Variants in GABRP observed in about 807,000 individuals in gnomAD.
GABRP encodes the protein gamma-aminobutyric acid type A receptor subunit pi.
GABRP carries 52 observed loss-of-function variants against 47.8 expected under a neutral mutation model. The observed-to-expected ratio is 1.09, with a 90% CI of 0.87 to 1.37. The LOEUF (loss-of-function observed/expected upper bound fraction) is 1.37. Ranked by LOEUF, GABRP falls within the 40% of genes most tolerant of loss-of-function variation. GABRP has a pLI of 0.00. For synonymous variants in GABRP, 221 were observed against 205.8 expected (o/e 1.07, Z -0.63); for missense variants, 525 against 542.8 (o/e 0.97, Z 0.33).
At chr5:170,800,978 C>A (rs1765575327) in intron 6 of GABRP, among the ~76,000 whole-genome samples, 1 of 152,178 alleles carries the variant, frequency 6.6e-6, no homozygotes, top group African/African-American at 2.4e-5. Context: ...AATAAATATT[C>A]TTTTCCCAAT....
At position 170,805,726 on chromosome 5, in the gene GABRP, T is replaced by C. The variant is rs1343028612; in HGVS notation, c.552T>C (p.Asp184=). 1.9e-6 allele frequency: 3 copies of C among 1,614,042 alleles called. No individual in the cohort carries two copies. The highest frequency in any genetic ancestry group is 2.5e-6 in the Non-Finnish European group (3 of 1,180,032). ...CKLQLESWGY[D]GNDVEFTWLR... is the part of the protein sequence containing the mutation. ...CATTTTATTTGCCAGGGGGCTATGATGGAAATGATGTGGAGTTCACCTGGC... is the reference window on the plus strand; with the variant it reads ...CATTTTATTTGCCAGGGGGCTATGACGGAAATGATGTGGAGTTCACCTGGC... Residue 184 remains aspartate, a synonymous_variant, in exon 7 of 10, where the codon GAT becomes GAC. Coordinates refer to ENST00000265294, the MANE Select transcript of GABRP (RefSeq NM_014211.3).
intron 7 of GABRP, among the ~76,000 whole-genome samples, chr5:170,807,731 T>C (rs931376210): frequency 3.9e-5 from 6 of 152,182 alleles, no homozygotes; most frequent in African/African-American, 1.4e-4. Context: ...AAGTACATAT[T>C]TTTATTCTAT....
At chr5:170,794,373 CTCAAA>C in intron 4 of GABRP, 75 bp downstream of exon 4, 1 of 473,912 alleles carries the variant, frequency 2.1e-6, no homozygotes, top group Non-Finnish European at 3.2e-6. Context: ...TTTCTAGCCG[CTCAAA>C]AAAAAAAAAA....
At chr5:170,792,159 T>C (rs981232151) in intron 3 of GABRP, among the ~76,000 whole-genome samples, 3 of 152,210 alleles carry the variant, frequency 2.0e-5, no homozygotes, top group Admixed American at 6.5e-5. Flanking sequence ...AACTGTAGCA[T>C]AGGCCAAGCG....
intron 6 of GABRP, among the ~76,000 whole-genome samples, chr5:170,805,466 C>A (rs1426605722): frequency 6.6e-6 from 1 of 151,440 alleles, no homozygotes; most frequent in Non-Finnish European, 1.5e-5. Flanking sequence ...TATCATCCAC[C>A]AGATCTACGC....
rs114088768 is a variant in GABRP at position 170,798,002 on chromosome 5, G to T, written c.541+454G>T. On this transcript the variant is annotated intron_variant, in intron 6 of 9. Transcript: ENST00000265294. Reference sequence around the variant, plus strand: ...TGATAGAGACCAGATGACTCATAAAGCCTTAAGTATTAACATTCTTCTTTG... The same window carrying T: ...TGATAGAGACCAGATGACTCATAAATCCTTAAGTATTAACATTCTTCTTTG... 6.2e-3 allele frequency among the ~76,000 whole-genome samples: 952 copies of T among 152,338 alleles called. 9 individuals are homozygous for T. Among genetic ancestry groups the T allele is most frequent in the African/African-American group, 0.021 (887 of 41,578 alleles).
In GABRP at chr5:170,805,454, C is replaced by T. The variant is rs1291967929; in HGVS notation, c.542-262C>T. 1.3e-5 allele frequency among the ~76,000 whole-genome samples: 2 copies of T among 151,798 alleles called. 1 individual carries two copies. The highest frequency in any genetic ancestry group is 3.9e-4 in the East Asian group (2 of 5,130). On this transcript the variant is annotated intron_variant, in intron 6 of 9. Coordinates refer to ENST00000265294, the MANE Select transcript of GABRP (RefSeq NM_014211.3). Reference sequence around the variant, plus strand: ...TAATGAGGGAGGCCACTTCTAATGACTTATCATCCACCAGATCTACGCAGT... The same window carrying T: ...TAATGAGGGAGGCCACTTCTAATGATTTATCATCCACCAGATCTACGCAGT...
intron 1 of GABRP, among the ~76,000 whole-genome samples, chr5:170,786,822 C>G (rs753678225): frequency 6.6e-6 from 1 of 152,094 alleles, no homozygotes; most frequent in Admixed American, 6.5e-5. Context: ...AAAAAGTAAG[C>G]CGCAAAAAGC....
intron 6 of GABRP, among the ~76,000 whole-genome samples, chr5:170,797,948 T>G (rs1297693485): frequency 6.6e-6 from 1 of 152,252 alleles, no homozygotes; most frequent in Non-Finnish European, 1.5e-5. Flanking sequence ...TGGCTACTTC[T>G]GTACTGCAGT....
At chr5:170,799,049 T>C (rs1241021032) in intron 6 of GABRP, among the ~76,000 whole-genome samples, 2 of 151,916 alleles carry the variant, frequency 1.3e-5, no homozygotes, top group Non-Finnish European at 2.9e-5. Context: ...TTTGTCCTTG[T>C]GATAGTTTGC....
At chr5:170,793,398 A>G (rs1561808500) in intron 3 of GABRP, among the ~76,000 whole-genome samples, 2 of 151,964 alleles carry the variant, frequency 1.3e-5, no homozygotes, top group Non-Finnish European at 2.9e-5. Flanking sequence ...TAGAGATAGA[A>G]CTCTCTCTCT....
At chr5:170,809,434 T>C (rs1765823767) in intron 8 of GABRP, 134 bp from the exon 9 acceptor site, 2 of 808,690 alleles carry the variant, frequency 2.5e-6, no homozygotes, top group African/African-American at 1.7e-5. Context: ...GGTCGCAGAC[T>C]TTTCAAAATG....
In GABRP at chr5:170,812,400, A is replaced by G. The variant is rs1765914145; in HGVS notation, c.*142A>G. 1 of 668,502 alleles carries G rather than the reference A, an allele frequency of 1.5e-6. No individual in the cohort carries two copies. The highest frequency in any genetic ancestry group is 2.5e-6 in the Non-Finnish European group (1 of 394,440). 41.4% of individuals were successfully genotyped at this position (668,502 alleles called of 1,614,324 possible). On this transcript the variant is annotated 3_prime_UTR_variant, in exon 10 of 10. Transcript: ENST00000265294. Reference sequence around the variant, plus strand: ...ATATTTGAGTCTTTCTGCTCAAAGAATGAAGCTCCAACCATTGTTCTAAGC... The same window carrying G: ...ATATTTGAGTCTTTCTGCTCAAAGAGTGAAGCTCCAACCATTGTTCTAAGC...
chr5:170,788,749 T>C, intron 2 of GABRP, 81 bp downstream of exon 2: 1 of 1,350,344 alleles, frequency 7.4e-7, no homozygotes, highest in Non-Finnish European at 1.1e-6. Context: ...CAGCTCCTCC[T>C]ATTCACCCAC....
intron 7 of GABRP, among the ~76,000 whole-genome samples, chr5:170,807,859 C>T (rs979526628): frequency 1.3e-5 from 2 of 151,916 alleles, no homozygotes. Flanking sequence ...CCTGTTTTTC[C>T]CCAACAACAA....
chr5:170,809,468 T>G, intron 8 of GABRP, 100 bp from the exon 9 acceptor site: 1 of 1,138,700 alleles, frequency 8.8e-7, no homozygotes, highest in Non-Finnish European at 1.3e-6. Context: ...TTCTGGGTCT[T>G]GCCCTCACCC....
upstream of GABRP, among the ~76,000 whole-genome samples, chr5:170,783,227 G>T (rs1434092851): frequency 2.0e-5 from 3 of 152,318 alleles, no homozygotes; most frequent in East Asian, 5.8e-4. Flanking sequence ...GAAAGCACTA[G>T]GTCCTGGGAT....
At chr5:170,798,017 A>C (rs1201774528) in intron 6 of GABRP, among the ~76,000 whole-genome samples, 1 of 152,216 alleles carries the variant, frequency 6.6e-6, no homozygotes, top group Non-Finnish European at 1.5e-5. Context: ...AAGTATTAAC[A>C]TTCTTCTTTG....
At chr5:170,798,977 G>A (rs1240677693) in intron 6 of GABRP, among the ~76,000 whole-genome samples, 1 of 127,432 alleles carries the variant, frequency 7.8e-6, no homozygotes. Context: ...TCCCCTTCCT[G>A]TGTCCAAGTG....
Sources: gnomAD v4.1 joint callset for allele counts (sites outside exome capture counted in the v4.1 genomes callset) on GRCh38, gnomAD v4.1.1 for gene constraint, MANE v1.5 for transcripts, NCBI Gene and HGNC (gene_info 2026-07-23, HGNC 2026-07-21) for gene names.